The following EBPL variants were observed in gnomAD, a reference collection of about 807,000 sequenced individuals.
EBPL encodes the protein EBP like, also known as emopamil-binding protein-like.
Under a neutral mutation model 19.0 loss-of-function variants are expected in EBPL, and 20 were observed. The observed-to-expected ratio is 1.05, with a 90% CI of 0.74 to 1.53. The LOEUF is 1.53. Among genes scored for constraint, EBPL ranks in the 40% most tolerant of loss-of-function variants. EBPL has a pLI of 0.00. For synonymous variants in EBPL, 107 were observed against 117.0 expected (o/e 0.91, Z 0.55); for missense variants, 219 against 261.1 (o/e 0.84, Z 1.11).
chr13:49,682,677 TTTAA>T (rs1472479006), intron 1 of EBPL, among the ~76,000 whole-genome samples: 2 of 152,240 alleles, frequency 1.3e-5, no homozygotes. Flanking sequence ...TAAGGCTTTA[TTTAA>T]TTCTCACAGC....
chr13:49,690,488 T>C (rs1397282216), intron 1 of EBPL, among the ~76,000 whole-genome samples: 3 of 63,956 alleles, frequency 4.7e-5, no homozygotes, highest in East Asian at 2.8e-4. Context: ...TGTGTGTGTG[T>C]GCGTGCGCGT....
intron 1 of EBPL, among the ~76,000 whole-genome samples, chr13:49,676,426 C>T (rs1043770631): frequency 1.3e-5 from 2 of 152,022 alleles, no homozygotes; most frequent in Non-Finnish European, 2.9e-5. Flanking sequence ...CCCGTCTCTA[C>T]TAAAAATACA....
chr13:49,661,284 G>C lies in EBPL; in HGVS notation c.381-76C>G, dbSNP rs191584297. On this transcript the variant is annotated intron_variant, in intron 3 of 3. Coordinates refer to ENST00000242827, the MANE Select transcript of EBPL (RefSeq NM_032565.5). ...GCATCAGAGTCATGACATCTTGTCT[G>C]TAATGGCGGCATCAACAGTCTTCGC... 317 of 1,183,550 alleles carry C rather than the reference G, an allele frequency of 2.7e-4. 3 individuals are homozygous for C. The East Asian group carries it at 7.3e-3, about 27-fold the overall frequency. The allele number at this position is 1,183,550 out of a possible 1,614,324, so 73.3% of individuals were successfully genotyped here.
At chr13:49,677,009 T>G (rs942032) in intron 1 of EBPL, among the ~76,000 whole-genome samples, 128,914 of 152,180 alleles carry the variant, frequency 0.85, 54,753 homozygotes, top group South Asian at 0.92. Context: ...ATGCTCTCGT[T>G]TGATTTAAAA....
At chr13:49,661,235 G>A in intron 3 of EBPL, 27 bp from the exon 4 acceptor site, 1 of 1,578,082 alleles carries the variant, frequency 6.3e-7, no homozygotes, top group East Asian at 2.2e-5. Context: ...AGCCCGGGAT[G>A]AACCACCAGC....
At chr13:49,661,352 C>T (rs766389499) in intron 3 of EBPL, 144 bp from the exon 4 acceptor site, 10 of 677,524 alleles carry the variant, frequency 1.5e-5, no homozygotes, top group Non-Finnish European at 2.0e-5. Flanking sequence ...TTGGGTGGTG[C>T]TATTTTGATG....
At chr13:49,671,310 G>A (rs1953813533) in intron 1 of EBPL, among the ~76,000 whole-genome samples, 1 of 151,972 alleles carries the variant, frequency 6.6e-6, no homozygotes, top group Admixed American at 6.6e-5. Flanking sequence ...GCTAATTTTT[G>A]TTATTTTTAG....
chr13:49,666,886 TAAAAA>T (rs11275522), intron 2 of EBPL, among the ~76,000 whole-genome samples: 1 of 140,084 alleles, frequency 7.1e-6, no homozygotes, highest in African/African-American at 2.7e-5. Flanking sequence ...GAGACTCTGT[TAAAAA>T]AAAAAGAAAA....
intron 1 of EBPL, among the ~76,000 whole-genome samples, chr13:49,673,991 A>ACACACACC (rs761864930): frequency 1.3e-5 from 2 of 148,284 alleles, no homozygotes; most frequent in Non-Finnish European, 3.0e-5. Context: ...ACACACACAC[A>ACACACACC]CCACACAAAG....
chr13:49,675,019 A>C (rs1010590621), intron 1 of EBPL, among the ~76,000 whole-genome samples: 1 of 152,230 alleles, frequency 6.6e-6, no homozygotes, highest in African/African-American at 2.4e-5. Flanking sequence ...TATTTTGTGC[A>C]TCTATGAATG....
chr13:49,662,827 G>T (rs1965169176), intron 3 of EBPL, among the ~76,000 whole-genome samples: 1 of 152,030 alleles, frequency 6.6e-6, no homozygotes, highest in Non-Finnish European at 1.5e-5. Context: ...GTAGAGACAG[G>T]GTCTCATTGT....
At chr13:49,682,888 C>T (rs552694590) in intron 1 of EBPL, among the ~76,000 whole-genome samples, 3 of 152,268 alleles carry the variant, frequency 2.0e-5, no homozygotes, top group African/African-American at 7.2e-5. Context: ...TCCACCTTCC[C>T]CCACCGCCCC....
chr13:49,681,448 G>A (rs1953942244), intron 1 of EBPL, among the ~76,000 whole-genome samples: 1 of 152,106 alleles, frequency 6.6e-6, no homozygotes, highest in Non-Finnish European at 1.5e-5. Context: ...ACGCCACCAC[G>A]CCTGGCTAAT....
chr13:49,683,512 G>C (rs575012330), intron 1 of EBPL, among the ~76,000 whole-genome samples: 1 of 151,480 alleles, frequency 6.6e-6, no homozygotes, highest in South Asian at 2.1e-4. Flanking sequence ...CTGGACCAGA[G>C]AGCGAGACTC....
chr13:49,687,683 T>C (rs1326233923), intron 1 of EBPL, among the ~76,000 whole-genome samples: 1 of 152,154 alleles, frequency 6.6e-6, no homozygotes, highest in Non-Finnish European at 1.5e-5. Flanking sequence ...CAGCTCACAA[T>C]AAGATGGACG....
intron 1 of EBPL, among the ~76,000 whole-genome samples, chr13:49,685,866 A>AG (rs1953991644): frequency 4.7e-5 from 7 of 149,296 alleles, no homozygotes; most frequent in African/African-American, 9.8e-5. Context: ...GAGAGAGAGA[A>AG]AAAAAAAAAA....
intron 1 of EBPL, among the ~76,000 whole-genome samples, chr13:49,690,156 A>G (rs1459902770): frequency 7.2e-6 from 1 of 138,852 alleles, no homozygotes; most frequent in Non-Finnish European, 1.6e-5. Context: ...TCTCAAGAAC[A>G]ACAACAAAAA....
intron 1 of EBPL, among the ~76,000 whole-genome samples, chr13:49,676,646 T>TTTCTTATAAATAAGAAA (rs1270196976): frequency 1.3e-5 from 2 of 151,990 alleles, no homozygotes; most frequent in African/African-American, 4.8e-5. Flanking sequence ...GAAACCCCGG[T>TTTCTTATAAATAAGAAA]GAATCCTTCC....
At chr13:49,686,622 G>T (rs1245110896) in intron 1 of EBPL, 1 of 1,287,286 alleles carries the variant, frequency 7.8e-7, no homozygotes, top group Non-Finnish European at 1.0e-6. Context: ...AAAAGATTCT[G>T]CTCTTATTCC....
Sources: gnomAD v4.1 joint callset for allele counts (sites outside exome capture counted in the v4.1 genomes callset) on GRCh38, gnomAD v4.1.1 for gene constraint, MANE v1.5 for transcripts, NCBI Gene and HGNC (gene_info 2026-07-23, HGNC 2026-07-21) for gene names.